Variants in FSIP1 observed in about 807,000 individuals in gnomAD.
FSIP1 encodes the protein fibrous sheath interacting protein 1.
FSIP1 carries 65 observed loss-of-function variants against 60.9 expected under a neutral mutation model. The ratio of observed to expected loss-of-function variants is 1.07; its 90% confidence interval spans 0.87 to 1.31. The LOEUF (loss-of-function observed/expected upper bound fraction) is 1.31. Among genes scored for constraint, FSIP1 ranks in the 40% most tolerant of loss-of-function variants. The pLI is 0.00. For missense variants in FSIP1, 675 were observed against 665.5 expected, an observed-to-expected ratio of 1.01 and a Z score of -0.16; for synonymous variants, 209 against 221.2, an observed-to-expected ratio of 0.94 and a Z score of 0.49.
intron 8 of FSIP1, among the ~76,000 whole-genome samples, chr15:39,733,878 T>C (rs1896510484): frequency 1.3e-5 from 2 of 152,186 alleles, no homozygotes; most frequent in African/African-American, 4.8e-5. Flanking sequence ...CACTCCTGGA[T>C]TTCTTGTTAC....
intron 9 of FSIP1, among the ~76,000 whole-genome samples, chr15:39,713,874 T>C (rs1455023116): frequency 6.6e-6 from 1 of 152,230 alleles, no homozygotes; most frequent in Admixed American, 6.5e-5. Flanking sequence ...GTCCCTGCTC[T>C]GATACTTACC....
intron 10 of FSIP1, among the ~76,000 whole-genome samples, chr15:39,688,296 T>C (rs970526757): frequency 3.3e-5 from 5 of 152,134 alleles, no homozygotes; most frequent in African/African-American, 1.2e-4. Flanking sequence ...CAAAAATCCA[T>C]TTACTTAATA....
chr15:39,681,495 A>C (rs1894159822), intron 10 of FSIP1, among the ~76,000 whole-genome samples: 1 of 152,174 alleles, frequency 6.6e-6, no homozygotes, highest in Non-Finnish European at 1.5e-5. Context: ...TGAGAATGCA[A>C]TTGTAAGTTA....
At position 39,641,763 on chromosome 15, in the gene FSIP1, G is replaced by A. The variant is rs532270687; in HGVS notation, c.1189-23518C>T. Among the ~76,000 whole-genome samples, 9 of 152,164 alleles carry A rather than the reference G, an allele frequency of 5.9e-5. No individual in the cohort carries two copies. The East Asian group carries it at 7.7e-4, about 13-fold the overall frequency. ...CCTTCCTATGTCATAACAAAACCGC[G>A]CAAGACTATAACGTAAGCCTCACTA... On this transcript the variant is annotated intron_variant, in intron 10 of 11. Transcript: ENST00000350221.
chr15:39,751,418 AACACACACACACACACACAC>A, intron 5 of FSIP1, among the ~76,000 whole-genome samples: 1 of 144,864 alleles, frequency 6.9e-6, no homozygotes, highest in Middle Eastern at 3.5e-3. Context: ...GTAATACATA[AACACACACACACACACACAC>A]ACACACACAC....
chr15:39,755,090 C>A (rs571623119), intron 5 of FSIP1, among the ~76,000 whole-genome samples: 73 of 151,872 alleles, frequency 4.8e-4, no homozygotes, highest in African/African-American at 1.8e-3. Context: ...AGGAAAAAGG[C>A]TTATTTGTAT....
Position 39,770,985 on chromosome 15 carries a change from T to A in FSIP1, c.127-375A>T, listed in dbSNP as rs1166720. ...CTTGCCACATGTGGCTACAGAATGG[T>A]TGAAAAGTGGATAGTCTGAGTTGAG... On this transcript the variant is annotated intron_variant, in intron 2 of 11. Coordinates refer to ENST00000350221, the MANE Select transcript of FSIP1 (RefSeq NM_152597.5). Among the ~76,000 whole-genome samples the A allele has an allele frequency of 5.8e-3, 881 of 152,324 alleles. 7 individuals are homozygous for A. The highest frequency in any genetic ancestry group is 0.02 in the African/African-American group (829 of 41,572).
At chr15:39,707,268 C>T (rs1040787637) in intron 10 of FSIP1, among the ~76,000 whole-genome samples, 5 of 152,184 alleles carry the variant, frequency 3.3e-5, no homozygotes, top group Non-Finnish European at 5.9e-5. Flanking sequence ...CTCCCCTGGG[C>T]TACCTGATTG....
At chr15:39,674,825 T>C (rs1367063075) in intron 10 of FSIP1, among the ~76,000 whole-genome samples, 1 of 152,060 alleles carries the variant, frequency 6.6e-6, no homozygotes. Context: ...TAAAACAAGA[T>C]ACAGTATTAG....
chr15:39,631,365 G>A (rs2140403147), intron 10 of FSIP1, among the ~76,000 whole-genome samples: 1 of 152,308 alleles, frequency 6.6e-6, no homozygotes, highest in African/African-American at 2.4e-5. Flanking sequence ...ATGAACCTTT[G>A]TTTATGATTT....
intron 11 of FSIP1, among the ~76,000 whole-genome samples, chr15:39,604,058 A>G: frequency 6.6e-6 from 1 of 152,132 alleles, no homozygotes; most frequent in East Asian, 1.9e-4. Flanking sequence ...CAGCCTCCCA[A>G]GTAGCTGGGA....
chr15:39,777,742 A>T (rs1368041465), intron 1 of FSIP1, among the ~76,000 whole-genome samples: 1 of 152,230 alleles, frequency 6.6e-6, no homozygotes, highest in Non-Finnish European at 1.5e-5. Context: ...TTTACATGTG[A>T]ATGGGTGTCT....
At chr15:39,708,887 A>G (rs942853365) in intron 10 of FSIP1, among the ~76,000 whole-genome samples, 10 of 152,168 alleles carry the variant, frequency 6.6e-5, no homozygotes, top group African/African-American at 2.2e-4. Flanking sequence ...CAAGGCCCCT[A>G]TATGCCTACT....
chr15:39,669,398 C>T (rs1566877688), intron 10 of FSIP1, among the ~76,000 whole-genome samples: 1 of 152,218 alleles, frequency 6.6e-6, no homozygotes, highest in Non-Finnish European at 1.5e-5. Context: ...CAAATTCTAT[C>T]TTGGCAGTGC....
chr15:39,707,427 C>T lies in FSIP1; in HGVS notation c.1188+6017G>A, dbSNP rs369747733. Among the ~76,000 whole-genome samples, 11 of 152,168 alleles carry T rather than the reference C, an allele frequency of 7.2e-5. No homozygotes were observed. The East Asian group carries it at 1.5e-3, about 21-fold the overall frequency. ...GAGAACATTCAAACATGGCCTCACC[C>T]ACCTTCTCTTCATCTCTCATCCTGC... is the stretch of plus-strand genomic sequence containing the variant. On this transcript the variant is annotated intron_variant, in intron 10 of 11. Transcript: ENST00000350221.
chr15:39,652,141 C>T (rs1473502730), intron 10 of FSIP1, among the ~76,000 whole-genome samples: 3 of 152,172 alleles, frequency 2.0e-5, no homozygotes, highest in Non-Finnish European at 1.5e-5. Flanking sequence ...TCCATAGTTC[C>T]CTTCCAGCTC....
At chr15:39,715,296 G>A (rs1895697150) in intron 9 of FSIP1, among the ~76,000 whole-genome samples, 1 of 151,980 alleles carries the variant, frequency 6.6e-6, no homozygotes, top group African/African-American at 2.4e-5. Flanking sequence ...CCCAGTTCAA[G>A]CATATTTCCA....
intron 11 of FSIP1, among the ~76,000 whole-genome samples, chr15:39,610,313 T>G (rs1250905011): frequency 6.6e-6 from 1 of 152,160 alleles, no homozygotes; most frequent in Admixed American, 6.5e-5. Flanking sequence ...CATCCAGGTA[T>G]AGAAAGCTCA....
intron 9 of FSIP1, among the ~76,000 whole-genome samples, chr15:39,723,561 A>G (rs7183462): frequency 0.12 from 17,945 of 152,182 alleles, 1,278 homozygotes; most frequent in African/African-American, 0.19. Flanking sequence ...AAAGTATTTT[A>G]TTTGCCTGAT....
Sources: gnomAD v4.1 joint callset for allele counts (sites outside exome capture counted in the v4.1 genomes callset) on GRCh38, gnomAD v4.1.1 for gene constraint, MANE v1.5 for transcripts, NCBI Gene and HGNC (gene_info 2026-07-23, HGNC 2026-07-21) for gene names.